Variants in FHL5 observed in about 807,000 individuals in gnomAD.
FHL5 encodes four and a half LIM domains protein 5.
A neutral mutation model predicts 32.0 loss-of-function variants in FHL5; 33 were observed. The ratio of observed to expected loss-of-function variants is 1.03; its 90% confidence interval spans 0.78 to 1.38. FHL5 has a LOEUF of 1.38. FHL5 is among the 40% of genes most tolerant of loss of function. FHL5 has a pLI of 0.00. For synonymous variants in FHL5, 114 were observed against 113.6 expected, an observed-to-expected ratio of 1.00 and a Z score of -0.02; for missense variants, 336 against 343.9, an observed-to-expected ratio of 0.98 and a Z score of 0.18.
chr6:96,587,304 G>A (rs1339412363), intron 1 of FHL5, among the ~76,000 whole-genome samples: 2 of 152,236 alleles, frequency 1.3e-5, no homozygotes, highest in South Asian at 2.1e-4. Context: ...TTATGGTCCC[G>A]ACTTGGTTCC....
At chr6:96,588,789 C>G (rs566025559) in intron 1 of FHL5, among the ~76,000 whole-genome samples, 1 of 152,032 alleles carries the variant, frequency 6.6e-6, no homozygotes, top group Non-Finnish European at 1.5e-5. Flanking sequence ...TTTTCTAACT[C>G]TCTTTCAGTT....
intron 1 of FHL5, among the ~76,000 whole-genome samples, chr6:96,564,274 T>C (rs1224121507): frequency 1.3e-5 from 2 of 152,184 alleles, no homozygotes; most frequent in Non-Finnish European, 2.9e-5. Context: ...TAGCAAAGCA[T>C]ATGGATTAAA....
At chr6:96,580,090 T>G (rs1303161731) in intron 1 of FHL5, among the ~76,000 whole-genome samples, 1 of 152,232 alleles carries the variant, frequency 6.6e-6, no homozygotes, top group Non-Finnish European at 1.5e-5. Context: ...GACTTCTCCC[T>G]GTAAATCAAA....
At position 96,575,807 on chromosome 6, in the gene FHL5, A is replaced by G. The variant is rs183853808; in HGVS notation, c.-13+12452A>G. On this transcript the variant is annotated intron_variant, in intron 1 of 5. Transcript: ENST00000450218. ...GTCAGTGAAAATTGTTGAAATACCAAGAGAGACTTTTAGTTAACAGAATAC... is the reference window on the plus strand; with the variant it reads ...GTCAGTGAAAATTGTTGAAATACCAGGAGAGACTTTTAGTTAACAGAATAC... Among the ~76,000 whole-genome samples the G allele has an allele frequency of 2.2e-4, 33 of 147,110 alleles. No homozygotes were observed. The East Asian group carries it at 5.4e-3, about 24-fold the overall frequency.
At chr6:96,594,648 GT>G (rs1417263016) in intron 1 of FHL5, among the ~76,000 whole-genome samples, 1 of 151,932 alleles carries the variant, frequency 6.6e-6, no homozygotes, top group African/African-American at 2.4e-5. Context: ...AACCAAGAAA[GT>G]TTAACCACTC....
chr6:96,574,729 T>C (rs1026635562), intron 1 of FHL5, among the ~76,000 whole-genome samples: 7 of 152,172 alleles, frequency 4.6e-5, no homozygotes, highest in African/African-American at 1.7e-4. Context: ...TGCTAAATAG[T>C]TATTAAATAT....
chr6:96,574,681 T>C (rs1390823937), intron 1 of FHL5, among the ~76,000 whole-genome samples: 1 of 152,182 alleles, frequency 6.6e-6, no homozygotes. Context: ...TATGCATTCA[T>C]ATATATTTTT....
chr6:96,596,568 T>C (rs916348024), intron 1 of FHL5, among the ~76,000 whole-genome samples: 1 of 152,100 alleles, frequency 6.6e-6, no homozygotes, highest in African/African-American at 2.4e-5. Flanking sequence ...GCTTCATCTC[T>C]TTCCCATCAC....
At chr6:96,604,116 A>C (rs867807088) in intron 2 of FHL5, among the ~76,000 whole-genome samples, 35 of 152,302 alleles carry the variant, frequency 2.3e-4, no homozygotes, top group Middle Eastern at 6.8e-3. Flanking sequence ...CAAGGGTATA[A>C]ATAAATGCAT....
intron 1 of FHL5, among the ~76,000 whole-genome samples, chr6:96,581,791 C>A (rs981540444): frequency 2.6e-5 from 4 of 152,024 alleles, no homozygotes; most frequent in Non-Finnish European, 5.9e-5. Flanking sequence ...TTTTAAAAAC[C>A]CTGGCACAAT....
chr6:96,589,017 G>T (rs954245877), intron 1 of FHL5, among the ~76,000 whole-genome samples: 16 of 151,990 alleles, frequency 1.1e-4, no homozygotes, highest in South Asian at 2.1e-4. Context: ...ATTGATGATG[G>T]AATTGTTTTG....
rs1562059735 is a variant in FHL5, at chr6:96,594,268, TA to T, written c.-12-9333del. ...ATATATATATATATATATATATATA[TA>T]TATATGTATGTATGTATTTACTTCT... is the stretch of plus-strand genomic sequence containing the variant. On this transcript the variant is annotated intron_variant, in intron 1 of 5. Transcript: ENST00000450218. Among the ~76,000 whole-genome samples the T allele has an allele frequency of 1.8e-3, 164 of 91,550 alleles. 3 individuals carry two copies. The highest frequency in any genetic ancestry group is 4.7e-3 in the African/African-American group (133 of 28,094). 60.1% of individuals were successfully genotyped at this position (91,550 alleles called of 152,430 possible). A position where few individuals can be genotyped will look rare whatever the true frequency, so the allele number is the denominator to read the frequency against.
intron 1 of FHL5, among the ~76,000 whole-genome samples, chr6:96,599,657 T>TA (rs1771110003): frequency 6.6e-6 from 1 of 152,218 alleles, no homozygotes; most frequent in African/African-American, 2.4e-5. Flanking sequence ...ATAAACCTTC[T>TA]AAAATCCCAA....
chr6:96,612,337 T>C (rs920583430), intron 5 of FHL5, among the ~76,000 whole-genome samples: 1 of 152,226 alleles, frequency 6.6e-6, no homozygotes, highest in South Asian at 2.1e-4. Flanking sequence ...ATTTATTTTA[T>C]AACAACACTT....
At chr6:96,582,694 C>T (rs1770719161) in intron 1 of FHL5, among the ~76,000 whole-genome samples, 1 of 152,124 alleles carries the variant, frequency 6.6e-6, no homozygotes, top group South Asian at 2.1e-4. Flanking sequence ...ACTGTGCTTG[C>T]AAATATGTCC....
At chr6:96,581,975 C>T (rs1770705284) in intron 1 of FHL5, among the ~76,000 whole-genome samples, 1 of 152,158 alleles carries the variant, frequency 6.6e-6, no homozygotes, top group South Asian at 2.1e-4. Context: ...CCTGCCCCAA[C>T]CATGTGCTGA....
chr6:96,587,836 T>C (rs563416336), intron 1 of FHL5, among the ~76,000 whole-genome samples: 1 of 152,320 alleles, frequency 6.6e-6, no homozygotes, highest in South Asian at 2.1e-4. Flanking sequence ...TCTGGTATAT[T>C]TACTCTCTAC....
chr6:96,605,177 C>A (rs925570355), intron 3 of FHL5, among the ~76,000 whole-genome samples: 3 of 152,144 alleles, frequency 2.0e-5, no homozygotes, highest in Admixed American at 2.0e-4. Context: ...CAGAATCTTA[C>A]CCATAAAATA....
At chr6:96,586,909 T>C (rs1461940978) in intron 1 of FHL5, among the ~76,000 whole-genome samples, 1 of 152,196 alleles carries the variant, frequency 6.6e-6, no homozygotes, top group African/African-American at 2.4e-5. Flanking sequence ...GATCAAGATC[T>C]TGAAGCATTT....
Sources: allele counts gnomAD v4.1 joint callset (sites outside exome capture counted in the v4.1 genomes callset), GRCh38; gene constraint gnomAD v4.1.1; transcripts MANE v1.5; gene names NCBI Gene and HGNC (gene_info 2026-07-23, HGNC 2026-07-21).